Variants in NALF1 observed in about 807,000 individuals in gnomAD.
The protein encoded by NALF1 is family with sequence similarity 155 member A.
In NALF1, 3 loss-of-function variants were observed where a neutral mutation model predicts 48.4. That is an observed-to-expected ratio of 0.06 (90% CI 0.03 to 0.16). The LOEUF is 0.16. Among genes scored for constraint, NALF1 ranks in the 10% least tolerant of loss-of-function variants. The pLI is 1.00. For synonymous variants in NALF1, 262 were observed against 245.7 expected (o/e 1.07, Z -0.62); for missense variants, 526 against 571.5 (o/e 0.92, Z 0.81).
At chr13:107,569,983 AT>A (rs1382044995) in intron 1 of NALF1, among the ~76,000 whole-genome samples, 1 of 152,066 alleles carries the variant, frequency 6.6e-6, no homozygotes, top group Non-Finnish European at 1.5e-5. Context: ...TTTAAAAAAA[AT>A]CTCTGTTTCA....
chr13:107,630,188 AAT>A (rs75317584), intron 1 of NALF1, among the ~76,000 whole-genome samples: 87,644 of 151,642 alleles, frequency 0.58, 27,787 homozygotes, highest in East Asian at 0.99. Context: ...CTCTGACATA[AAT>A]GGGTTAAGTA....
intron 1 of NALF1, among the ~76,000 whole-genome samples, chr13:107,854,027 C>T (rs2136266): frequency 0.37 from 56,327 of 152,094 alleles, 13,029 homozygotes; most frequent in Non-Finnish European, 0.52. Flanking sequence ...AGCAAATACT[C>T]CATTTTCTTG....
chr13:107,556,264 TCTCTC>T (rs1250194743), intron 1 of NALF1, among the ~76,000 whole-genome samples: 2 of 135,028 alleles, frequency 1.5e-5, no homozygotes, highest in African/African-American at 5.7e-5. Flanking sequence ...CCTCTCTCTC[TCTCTC>T]AACATATATA....
At chr13:107,442,073 T>G (rs1884569515) in intron 1 of NALF1, among the ~76,000 whole-genome samples, 1 of 152,136 alleles carries the variant, frequency 6.6e-6, no homozygotes, top group Admixed American at 6.5e-5. Flanking sequence ...TTGGGGAATA[T>G]TTCTGGAGGG....
At chr13:107,385,552 C>CAAAAAAAAAAAAAAAAAAAAA (rs201307018) in intron 1 of NALF1, among the ~76,000 whole-genome samples, 6 of 118,290 alleles carry the variant, frequency 5.1e-5, no homozygotes, top group Non-Finnish European at 6.9e-5. Flanking sequence ...GATTCCATCT[C>CAAAAAAAAAAAAAAAAAAAAA]AAAAAAAAAA....
intron 1 of NALF1, among the ~76,000 whole-genome samples, chr13:107,345,967 T>C (rs991689306): frequency 2.6e-5 from 4 of 152,056 alleles, no homozygotes; most frequent in African/African-American, 9.7e-5. Context: ...TAGACATTTC[T>C]CCAGAGAATA....
chr13:107,320,213 T>C (rs1358224178), intron 1 of NALF1, among the ~76,000 whole-genome samples: 1 of 151,992 alleles, frequency 6.6e-6, no homozygotes, highest in East Asian at 1.9e-4. Context: ...AGTAAGAAAA[T>C]ATGGCCATTT....
intron 1 of NALF1, among the ~76,000 whole-genome samples, chr13:107,719,251 G>T (rs1181858819): frequency 1.3e-5 from 2 of 152,090 alleles, no homozygotes; most frequent in Non-Finnish European, 2.9e-5. Context: ...AGTTAGCAAG[G>T]TTTCTTGAAT....
intron 1 of NALF1, among the ~76,000 whole-genome samples, chr13:107,544,076 T>C (rs562852864): frequency 2.0e-5 from 3 of 152,086 alleles, no homozygotes; most frequent in Non-Finnish European, 4.4e-5. Flanking sequence ...CTCAAACATA[T>C]CAGAAGGCAC....
At chr13:107,698,741 TC>T (rs1881752321) in intron 1 of NALF1, among the ~76,000 whole-genome samples, 1 of 152,080 alleles carries the variant, frequency 6.6e-6, no homozygotes. Flanking sequence ...GAACTACATT[TC>T]CCTGACCACT....
At chr13:107,339,941 TA>T (rs995731140) in intron 1 of NALF1, among the ~76,000 whole-genome samples, 14 of 152,330 alleles carry the variant, frequency 9.2e-5, no homozygotes, top group African/African-American at 3.4e-4. Flanking sequence ...CTATAAATTT[TA>T]TTTAAAAAAT....
intron 1 of NALF1, among the ~76,000 whole-genome samples, chr13:107,842,353 A>C (rs2138635885): frequency 6.6e-6 from 1 of 152,222 alleles, no homozygotes; most frequent in African/African-American, 2.4e-5. Context: ...TTATTACAGA[A>C]ATTTAGTATA....
chr13:107,355,734 G>A (rs1224609811), intron 1 of NALF1, among the ~76,000 whole-genome samples: 2 of 152,070 alleles, frequency 1.3e-5, no homozygotes, highest in East Asian at 1.9e-4. Context: ...CCCCAGCCAT[G>A]CTTTCTGTAC....
Position 107,489,476 on chromosome 13 carries a change from C to T in NALF1, c.916-278721G>A, listed in dbSNP as rs183123190. ...CAGAGAACCCAGAAATAAGACCTCA[C>T]ACTATCTGGTCTCTGACAAACCAGA... On this transcript the variant is annotated intron_variant, in intron 1 of 2. Transcript: ENST00000375915. 1.9e-4 allele frequency among the ~76,000 whole-genome samples: 29 copies of T among 151,646 alleles called. No individual in the cohort carries two copies. In the East Asian group the frequency reaches 5.2e-3, roughly 27 times the overall value.
chr13:107,411,961 G>A (rs1175216142), intron 1 of NALF1, among the ~76,000 whole-genome samples: 2 of 152,144 alleles, frequency 1.3e-5, no homozygotes, highest in Non-Finnish European at 2.9e-5. Context: ...GGCTAACATG[G>A]AGGCCACAAG....
At chr13:107,699,793 A>C (rs1229233258) in intron 1 of NALF1, among the ~76,000 whole-genome samples, 1 of 152,136 alleles carries the variant, frequency 6.6e-6, no homozygotes, top group Non-Finnish European at 1.5e-5. Flanking sequence ...ACACAAAAAA[A>C]CTGTTAGAAT....
intron 1 of NALF1, among the ~76,000 whole-genome samples, chr13:107,783,880 A>AG (rs572570324): frequency 5.9e-5 from 9 of 151,908 alleles, no homozygotes; most frequent in Admixed American, 5.9e-4. Flanking sequence ...AATTAAAAAA[A>AG]AAAAAAAAAA....
At chr13:107,359,599 A>T in intron 1 of NALF1, among the ~76,000 whole-genome samples, 1 of 147,402 alleles carries the variant, frequency 6.8e-6, no homozygotes, top group Non-Finnish European at 1.5e-5. Flanking sequence ...TCCTTCCTTC[A>T]TTTCCTCCCT....
At chr13:107,307,981 A>T (rs1881970086) in intron 1 of NALF1, among the ~76,000 whole-genome samples, 1 of 152,104 alleles carries the variant, frequency 6.6e-6, no homozygotes, top group South Asian at 2.1e-4. Context: ...ATTGTGATGT[A>T]ATTTACAACT....
Sources: allele counts gnomAD v4.1 joint callset (sites outside exome capture counted in the v4.1 genomes callset), GRCh38; gene constraint gnomAD v4.1.1; transcripts MANE v1.5; gene names NCBI Gene and HGNC (gene_info 2026-07-23, HGNC 2026-07-21).